The following TMC6 variants were observed in gnomAD, a reference collection of about 807,000 sequenced individuals.
TMC6 encodes transmembrane channel-like protein 6.
A neutral mutation model predicts 95.4 loss-of-function variants in TMC6; 71 were observed. That is an observed-to-expected ratio of 0.74 (90% CI 0.61 to 0.91). The LOEUF (loss-of-function observed/expected upper bound fraction) is 0.91. Ranked by LOEUF, TMC6 falls within the 40% of genes least tolerant of loss-of-function variation. TMC6 has a pLI of 0.00. For synonymous variants in TMC6, 514 were observed against 483.1 expected (o/e 1.06, Z -0.84); for missense variants, 1,074 against 1,079.1 (o/e 1.00, Z 0.07).
At position 78,122,649 on chromosome 17, in the gene TMC6, G is replaced by A. The variant is rs763922262; in HGVS notation, c.1183C>T (p.Arg395Trp). 1.7e-5 allele frequency: 28 copies of A among 1,611,786 alleles called. No homozygotes were observed. Among genetic ancestry groups the A allele is most frequent in the Middle Eastern group, 1.6e-4 (1 of 6,080 alleles). The change falls in exon 10 of 20, where the codon CGG becomes TGG. Residue 395 changes from arginine to tryptophan, a missense_variant. Arg to Trp is a moderately radical substitution (Grantham distance 101, BLOSUM62 -3). Coordinates refer to ENST00000590602, the MANE Select transcript of TMC6 (RefSeq NM_001127198.5). This position sits in a 1 kb window ranked among gnomAD's most constrained non-coding sequence, Gnocchi z 4.9. Reference sequence around the variant, plus strand: ...TTGTCCTGCTGGAGGCGGGAGGCCCGCTTCTGCGTCACCTTGTAGTCCCAG... The same window carrying A: ...TTGTCCTGCTGGAGGCGGGAGGCCCACTTCTGCGTCACCTTGTAGTCCCAG... ...CSWDYKVTQK[R>W]ASRLQQDNIR...
chr17:78,117,211 T>TGGAGGGAGC, intron 18 of TMC6, 58 bp downstream of exon 18: 3 of 1,570,030 alleles, frequency 1.9e-6, no homozygotes, highest in Non-Finnish European at 2.6e-6. Context: ...GAGGGGAGCG[T>TGGAGGGAGC]CACCCTCAGG....
chr17:78,122,534 G>A lies in TMC6; in HGVS notation c.1227+71C>T. The A allele has an allele frequency of 6.3e-7, 1 of 1,593,326 alleles. No homozygotes were observed. Among genetic ancestry groups the A allele is most frequent in the Non-Finnish European group, 8.5e-7 (1 of 1,176,850 alleles). On this transcript the variant is annotated intron_variant, in intron 10 of 19. Transcript: ENST00000590602. This position sits in a 1 kb window ranked among gnomAD's most constrained non-coding sequence, Gnocchi z 4.9. ...TCTAGACCATGGTTCTGGTCACATG[G>A]TCCTAAGTGGACCCAGGGCCAGGCC...
At position 78,122,893 on chromosome 17, in the gene TMC6, C is replaced by A; in HGVS notation, c.1083-144G>T. ...GGCCCTGACTGGGCCTCCTGCCACA[C>A]CCCTGCCCCACCACCAGCCCTCTAC... is the stretch of plus-strand genomic sequence containing the variant. On this transcript the variant is annotated intron_variant, in intron 9 of 19. Transcript: ENST00000590602. The surrounding 1 kb of genome is among the most constrained non-coding windows in gnomAD (Gnocchi z 4.9). 1 of 1,129,576 alleles carries A rather than the reference C, an allele frequency of 8.9e-7. No individual in the cohort carries two copies. The highest frequency in any genetic ancestry group is 2.6e-5 in the East Asian group (1 of 38,938). 70.0% of individuals were successfully genotyped at this position (1,129,576 alleles called of 1,614,324 possible).
rs1424809660 is a variant in TMC6 at position 78,125,160 on chromosome 17, C to T, written c.534G>A (p.Leu178=). ...MPLSLAEKRS[L]REKSRTPRGK... Reference sequence around the variant, plus strand: ...TGGTCAGGGTCGGGGCTGCTCACCGCAGGCTGCGTTTCTCAGCCAGGCTTA... The same window carrying T: ...TGGTCAGGGTCGGGGCTGCTCACCGTAGGCTGCGTTTCTCAGCCAGGCTTA... The change falls in exon 6 of 20, where the codon CTG becomes CTA. Residue 178 remains leucine, a splice_region_variant and synonymous_variant. Transcript: ENST00000590602. 1.9e-6 allele frequency: 3 copies of T among 1,562,340 alleles called. No homozygotes were observed. The Admixed American group carries it at 5.7e-5, about 30-fold the overall frequency.
upstream of TMC6, chr17:78,131,675 G>T: frequency 6.4e-7 from 1 of 1,572,556 alleles, no homozygotes; most frequent in Non-Finnish European, 8.6e-7. Flanking sequence ...TGGAGCGGCT[G>T]CGCGGCTCTG....
rs901070470 is a variant in TMC6 at position 78,122,478 on chromosome 17, C to T, written c.1227+127G>A. 2 of 1,429,146 alleles carry T rather than the reference C, an allele frequency of 1.4e-6. No homozygotes were observed. The highest frequency in any genetic ancestry group is 2.4e-5 in the East Asian group (1 of 40,874). The allele number at this position is 1,429,146 out of a possible 1,614,324, so 88.5% of individuals were successfully genotyped here. A position where few individuals can be genotyped will look rare whatever the true frequency, so the allele number is the denominator to read the frequency against. On this transcript the variant is annotated intron_variant, in intron 10 of 19. Transcript: ENST00000590602. The surrounding 1 kb of genome is among the most constrained non-coding windows in gnomAD (Gnocchi z 4.9). ...AGAAGACCACGCCTGCCCAGCGCCCCGAGTTCAGCTCACGGACAGCTGGCC... is the reference window on the plus strand; with the variant it reads ...AGAAGACCACGCCTGCCCAGCGCCCTGAGTTCAGCTCACGGACAGCTGGCC...
chr17:78,127,154 ATC>A (rs939845369), intron 1 of TMC6: 15 of 520,144 alleles, frequency 2.9e-5, no homozygotes, highest in African/African-American at 2.7e-4. Flanking sequence ...GCAGTTCCAC[ATC>A]TGTTTCCTCG....
chr17:78,112,321 C>A lies in TMC6; in HGVS notation c.*827G>T. ...CTGGGCTGTCATGGGCTGGTCCCTG[C>A]AGACCTGGAGCACGGGGTCATGACG... is the stretch of plus-strand genomic sequence containing the variant. On this transcript the variant is annotated 3_prime_UTR_variant, in exon 20 of 20. Transcript: ENST00000590602. The A allele has an allele frequency of 4.6e-6, 1 of 217,644 alleles. No individual in the cohort carries two copies. Among genetic ancestry groups the A allele is most frequent in the South Asian group, 4.7e-5 (1 of 21,300 alleles). The allele number at this position is 217,644 out of a possible 1,614,324, so 13.5% of individuals were successfully genotyped here.
Position 78,107,833 on chromosome 17 carries a change from A to T in TMC6, c.*5315T>A, listed in dbSNP as rs1350573663. On this transcript the variant is annotated 3_prime_UTR_variant, in exon 20 of 20. Coordinates refer to ENST00000590602, the MANE Select transcript of TMC6 (RefSeq NM_001127198.5). ...TGCCACTCACTTTTGCCTAGGGTCCAGTTGGGGCTTAAAAAATATTTGGAG... is the reference window on the plus strand; with the variant it reads ...TGCCACTCACTTTTGCCTAGGGTCCTGTTGGGGCTTAAAAAATATTTGGAG... The T allele has an allele frequency of 6.6e-6, 1 of 152,230 alleles. No individual in the cohort carries two copies. Among genetic ancestry groups the T allele is most frequent in the Non-Finnish European group, 1.5e-5 (1 of 68,038 alleles). 9.4% of individuals were successfully genotyped at this position (152,230 alleles called of 1,614,324 possible).
Position 78,126,820 on chromosome 17 carries a change from G to C in TMC6, c.13C>G (p.Leu5Val), listed in dbSNP as rs1014968493. The stretch of plus-strand genomic sequence containing the variant: ...TCAGGGACATCGAGGATGAAGGCCA[G>C]TGGCTGGGCCATGTCTCTGGCCAAT... The part of the protein sequence containing the change: MAQP[L>V]AFILDVPETP... The change falls in exon 2 of 20, where the codon CTG (leucine) becomes GTG (valine). Residue 5 changes from leucine to valine, a missense_variant. Leu to Val is a conservative substitution (Grantham distance 32, BLOSUM62 1). Transcript: ENST00000590602. The C allele has an allele frequency of 6.2e-7, 1 of 1,612,660 alleles. No homozygotes were observed. The highest frequency in any genetic ancestry group is 8.5e-7 in the Non-Finnish European group (1 of 1,179,946).
chr17:78,116,289 T>A (rs1484744871), intron 18 of TMC6, among the ~76,000 whole-genome samples: 2 of 150,354 alleles, frequency 1.3e-5, no homozygotes, highest in Non-Finnish European at 3.0e-5. Flanking sequence ...TTTTTTTTTT[T>A]TTTTTATGAG....
At chr17:78,120,977 C>G (rs1421970955) in intron 12 of TMC6, 36 bp downstream of exon 12, 2 of 1,613,062 alleles carry the variant, frequency 1.2e-6, no homozygotes, top group South Asian at 2.2e-5. Flanking sequence ...GTATCAGCTC[C>G]AGCACCAAAT....
At chr17:78,132,137 C>T, upstream of TMC6, 1 of 1,502,138 alleles carries the variant, frequency 6.7e-7, no homozygotes, top group South Asian at 1.2e-5. Context: ...CCGGGTCCCC[C>T]GACCAATCGG....
upstream of TMC6, chr17:78,131,590 TG>T: frequency 2.6e-6 from 4 of 1,545,520 alleles, no homozygotes; most frequent in Non-Finnish European, 3.5e-6. Context: ...CCCGCCGAGA[TG>T]CTGCTGCCGC....
rs1475764307 is a variant in TMC6 at position 78,123,258 on chromosome 17, G to A, written c.1083-509C>T. ...ATTCAGTGGTCCATCTTCTCCCAGA[G>A]ACAGCAAGCCCCCCTAGGACATTTA... On this transcript the variant is annotated intron_variant, in intron 9 of 19. Coordinates refer to ENST00000590602, the MANE Select transcript of TMC6 (RefSeq NM_001127198.5). 1.1e-5 allele frequency: 3 copies of A among 265,226 alleles called. No individual in the cohort carries two copies. In the East Asian group the frequency reaches 3.0e-4, roughly 27 times the overall value. The allele number at this position is 265,226 out of a possible 1,614,324, so 16.4% of individuals were successfully genotyped here.
chr17:78,121,034 T>G lies in TMC6; in HGVS notation c.1514A>C (p.Glu505Ala). ...ACACCTGCAGATGGCCACGTACACC[T>G]CCAGTACCGGGGAGTCATGCGGCTC... ...ALEPHDSPVL[E>A]VYVAICRNLI... Residue 505 changes from glutamate (E) to alanine (A), a missense_variant, in exon 12 of 20, where the codon GAG (glutamate) becomes GCG (alanine). Coordinates refer to ENST00000590602, the MANE Select transcript of TMC6 (RefSeq NM_001127198.5). This position sits in a 1 kb window ranked among gnomAD's most constrained non-coding sequence, Gnocchi z 5.6. 1 of 1,613,258 alleles carries G rather than the reference T, an allele frequency of 6.2e-7. No individual in the cohort carries two copies. Among genetic ancestry groups the G allele is most frequent in the Non-Finnish European group, 8.5e-7 (1 of 1,179,986 alleles).
At chr17:78,118,941 C>T in intron 15 of TMC6, 30 bp downstream of exon 15, 1 of 1,573,282 alleles carries the variant, frequency 6.4e-7, no homozygotes, top group South Asian at 1.2e-5. Flanking sequence ...CCCTGCCAGC[C>T]CAGCCCTCCC....
In TMC6 at chr17:78,121,071, G is replaced by A. The variant is rs1366602184; in HGVS notation, c.1477C>T (p.Leu493=). Residue 493 remains leucine, a synonymous_variant, in exon 12 of 20, where the codon CTG becomes TTG. Transcript: ENST00000590602. The surrounding 1 kb of genome is among the most constrained non-coding windows in gnomAD (Gnocchi z 5.6). ...GAGTCATGCGGCTCCAGGGCGGCCAGGACACGGCACAGGTAGGGGGCCCCC... is the reference window on the plus strand; with the variant it reads ...GAGTCATGCGGCTCCAGGGCGGCCAAGACACGGCACAGGTAGGGGGCCCCC... ...NLGAPYLCRV[L]AALEPHDSPV... The A allele has an allele frequency of 1.9e-6, 3 of 1,613,074 alleles. No homozygotes were observed. The Admixed American group carries it at 5.0e-5, about 27-fold the overall frequency.
intron 13 of TMC6, 107 bp from the exon 14 acceptor site, chr17:78,119,499 G>A: frequency 8.7e-7 from 1 of 1,144,942 alleles, no homozygotes; most frequent in South Asian, 1.3e-5. Flanking sequence ...GGACATCCTG[G>A]CCGTTCCACA....
Sources: gnomAD v4.1 joint callset for allele counts (sites outside exome capture counted in the v4.1 genomes callset) on GRCh38, gnomAD v4.1.1 for gene constraint, Gnocchi (gnomAD v3.1) non-coding constraint, MANE v1.5 for transcripts, NCBI Gene and HGNC (gene_info 2026-07-23, HGNC 2026-07-21) for gene names.